The following BRINP1 variants were observed in gnomAD, a reference collection of about 807,000 sequenced individuals.
The protein encoded by BRINP1 is BMP/retinoic acid inducible neural specific 1.
A neutral mutation model predicts 72.9 loss-of-function variants in BRINP1; 17 were observed. That is an observed-to-expected ratio of 0.23 (90% CI 0.16 to 0.35). The LOEUF (loss-of-function observed/expected upper bound fraction) is 0.35. BRINP1 is among the 10% of genes least tolerant of loss of function. BRINP1 has a pLI of 1.00. For synonymous variants in BRINP1, 418 were observed against 378.5 expected (o/e 1.10, Z -1.21); for missense variants, 850 against 1,001.6 (o/e 0.85, Z 2.04).
intron 2 of BRINP1, among the ~76,000 whole-genome samples, chr9:119,297,222 G>T (rs1352045410): frequency 6.6e-6 from 1 of 152,136 alleles, no homozygotes; most frequent in African/African-American, 2.4e-5. Context: ...CAATTATTTT[G>T]TCCAAAACAT....
intron 3 of BRINP1, among the ~76,000 whole-genome samples, chr9:119,246,408 A>G (rs1830317080): frequency 6.6e-6 from 1 of 152,216 alleles, no homozygotes; most frequent in Non-Finnish European, 1.5e-5. Context: ...CCCAGGCTAC[A>G]TCTTTTTCCC....
At chr9:119,206,867 T>A (rs1292002070) in intron 7 of BRINP1, among the ~76,000 whole-genome samples, 1 of 152,220 alleles carries the variant, frequency 6.6e-6, no homozygotes, top group Non-Finnish European at 1.5e-5. Flanking sequence ...GCATCTGTTG[T>A]GCTCGACAAG....
chr9:119,178,000 A>T (rs931230903), intron 7 of BRINP1, among the ~76,000 whole-genome samples: 2 of 150,562 alleles, frequency 1.3e-5, no homozygotes, highest in Admixed American at 1.3e-4. Context: ...GGAAAGGTGG[A>T]GAGTGGGGAA....
intron 7 of BRINP1, among the ~76,000 whole-genome samples, chr9:119,192,629 C>T (rs535753652): frequency 1.3e-5 from 2 of 152,106 alleles, no homozygotes; most frequent in African/African-American, 4.8e-5. Flanking sequence ...GAAAAGGAAA[C>T]CTTTCTATAC....
rs149284594 is a variant in BRINP1 at position 119,168,139 on chromosome 9, G to A, written c.1231C>T (p.Arg411Trp). ...GTGCTGCCGTGGCACACGCAGCTCC[G>A]CTGGCTCTCCAGGAAGGTTCCCCAA... is the stretch of plus-strand genomic sequence containing the variant. Reference protein sequence around the residue: ...GFWGTFLESQRSCVCHGSTTL... With the variant: ...GFWGTFLESQWSCVCHGSTTL... The change falls in exon 8 of 8, where the codon CGG (arginine) becomes TGG (tryptophan). Residue 411 changes from arginine to tryptophan, a missense_variant. Transcript: ENST00000265922. 4.5e-4 allele frequency: 725 copies of A among 1,600,232 alleles called. 1 individual carries two copies. The highest frequency in any genetic ancestry group is 5.1e-4 in the Non-Finnish European group (598 of 1,171,874).
At chr9:119,224,678 G>T (rs1314494473) in intron 5 of BRINP1, among the ~76,000 whole-genome samples, 1 of 152,038 alleles carries the variant, frequency 6.6e-6, no homozygotes, top group Non-Finnish European at 1.5e-5. Context: ...GTAGGCTAAA[G>T]GTGCAGCCTT....
intron 1 of BRINP1, among the ~76,000 whole-genome samples, chr9:119,332,203 CTG>C (rs1338716889): frequency 1.3e-5 from 2 of 152,186 alleles, no homozygotes; most frequent in Non-Finnish European, 2.9e-5. Flanking sequence ...ATTTTCCCAT[CTG>C]TGTTGCTAGA....
rs201412868 is a variant in BRINP1 at position 119,290,358 on chromosome 9, TG to T, written c.218+22779del. Among the ~76,000 whole-genome samples the T allele has an allele frequency of 9.4e-3, 1,427 of 152,286 alleles. 15 individuals carry two copies. Among genetic ancestry groups the T allele is most frequent in the Non-Finnish European group, 0.015 (997 of 68,016 alleles). ...ATGGTAAACATTCAATAAATATTACTGGTTACTATAAAATTATTATTATTAT... is the reference window on the plus strand; with the variant it reads ...ATGGTAAACATTCAATAAATATTACTGTTACTATAAAATTATTATTATTAT... On this transcript the variant is annotated intron_variant, in intron 2 of 7. Coordinates refer to ENST00000265922, the MANE Select transcript of BRINP1 (RefSeq NM_014618.3).
chr9:119,237,346 C>CATTATTATTATTATTATTATTATTATT (rs34106507), intron 5 of BRINP1, among the ~76,000 whole-genome samples: 7 of 145,044 alleles, frequency 4.8e-5, no homozygotes, highest in South Asian at 2.2e-4. Context: ...TTTCTTGCTA[C>CATTATTATTATTATTATTATTATTATT]ATTATTATTA....
chr9:119,168,044 G>A lies in BRINP1; in HGVS notation c.1326C>T (p.Ala442=), dbSNP rs1470955466. 2 of 1,612,252 alleles carry A rather than the reference G, an allele frequency of 1.2e-6. No homozygotes were observed. The highest frequency in any genetic ancestry group is 1.1e-5 in the South Asian group (1 of 90,958). Reference sequence around the variant, plus strand: ...TGCAGGAGCCGCAGAGGGAGATGTTGGCCAGGCTGCACATGGCGCAGCTGT... The same window carrying A: ...TGCAGGAGCCGCAGAGGGAGATGTTAGCCAGGCTGCACATGGCGCAGCTGT... ...GNNSCAMCSL[A]NISLCGSCNK... Residue 442 remains alanine (A), a synonymous_variant, in exon 8 of 8, where the codon GCC becomes GCT. Coordinates refer to ENST00000265922, the MANE Select transcript of BRINP1 (RefSeq NM_014618.3).
chr9:119,310,782 G>T (rs1449524232), intron 2 of BRINP1, among the ~76,000 whole-genome samples: 2 of 152,134 alleles, frequency 1.3e-5, no homozygotes, highest in Admixed American at 1.3e-4. Flanking sequence ...AGGAAGACAG[G>T]CACAATGGAA....
intron 2 of BRINP1, among the ~76,000 whole-genome samples, chr9:119,303,587 G>A (rs1029742204): frequency 6.6e-6 from 1 of 152,142 alleles, no homozygotes. Flanking sequence ...TGCCAGTATG[G>A]TGGCACGTGT....
At chr9:119,307,820 A>C (rs1831014521) in intron 2 of BRINP1, among the ~76,000 whole-genome samples, 1 of 152,210 alleles carries the variant, frequency 6.6e-6, no homozygotes, top group Admixed American at 6.5e-5. Flanking sequence ...ATATTAATAA[A>C]GGTCTGCGGT....
At chr9:119,336,509 G>A (rs568117555) in intron 1 of BRINP1, among the ~76,000 whole-genome samples, 13 of 152,246 alleles carry the variant, frequency 8.5e-5, no homozygotes, top group South Asian at 2.1e-4. Context: ...TGGGGAACAC[G>A]CTGGAGAGGT....
intron 2 of BRINP1, among the ~76,000 whole-genome samples, chr9:119,276,595 C>T (rs1490663985): frequency 6.6e-6 from 1 of 152,086 alleles, no homozygotes. Flanking sequence ...GGATATGTAA[C>T]CTGCTTCTAA....
At chr9:119,359,573 C>T (rs1831608255) in intron 1 of BRINP1, among the ~76,000 whole-genome samples, 4 of 152,148 alleles carry the variant, frequency 2.6e-5, no homozygotes, top group Admixed American at 2.6e-4. Flanking sequence ...GTAATGTGTT[C>T]CACATCAAAT....
intron 1 of BRINP1, among the ~76,000 whole-genome samples, chr9:119,321,642 C>T (rs1205432639): frequency 6.6e-6 from 1 of 151,946 alleles, no homozygotes; most frequent in Non-Finnish European, 1.5e-5. Context: ...GCCTGGCTAA[C>T]TTTATTATTT....
chr9:119,212,485 A>G (rs1050327703), intron 6 of BRINP1, among the ~76,000 whole-genome samples: 4 of 152,182 alleles, frequency 2.6e-5, no homozygotes, highest in Admixed American at 2.6e-4. Context: ...TGCTGTGAGC[A>G]CTAGATTTGG....
intron 2 of BRINP1, chr9:119,282,723 C>G (rs1830725298): frequency 1.1e-6 from 1 of 898,372 alleles, no homozygotes; most frequent in South Asian, 5.1e-5. Context: ...TGGAAGGGGA[C>G]TGGGGAACAA....
Sources: gnomAD v4.1 joint callset for allele counts (sites outside exome capture counted in the v4.1 genomes callset) on GRCh38, gnomAD v4.1.1 for gene constraint, MANE v1.5 for transcripts, NCBI Gene and HGNC (gene_info 2026-07-23, HGNC 2026-07-21) for gene names.